The following DOCK3 variants were observed in gnomAD, a reference collection of about 807,000 sequenced individuals.
The protein encoded by DOCK3 is dedicator of cytokinesis protein 3.
Under a neutral mutation model 265.6 loss-of-function variants are expected in DOCK3, and 60 were observed. The ratio of observed to expected loss-of-function variants is 0.23; its 90% confidence interval spans 0.18 to 0.28. DOCK3 has a LOEUF of 0.28. Ranked by LOEUF, DOCK3 falls within the 10% of genes least tolerant of loss-of-function variation. The pLI is 1.00. For missense variants in DOCK3, 1,981 were observed against 2,594.3 expected (o/e 0.76, Z 5.14); for synonymous variants, 881 against 938.0 (o/e 0.94, Z 1.11).
intron 12 of DOCK3, among the ~76,000 whole-genome samples, chr3:51,189,983 G>T (rs2087845381): frequency 6.6e-6 from 1 of 152,152 alleles, no homozygotes; most frequent in Non-Finnish European, 1.5e-5. Context: ...GTGATGAGGG[G>T]GAAAAGATAT....
chr3:51,052,812 T>C (rs2081042823), intron 5 of DOCK3, among the ~76,000 whole-genome samples: 1 of 151,956 alleles, frequency 6.6e-6, no homozygotes, highest in South Asian at 2.1e-4. Context: ...TTCCATAGGG[T>C]ATTCTTTTAC....
intron 9 of DOCK3, among the ~76,000 whole-genome samples, chr3:51,143,912 G>A (rs1032931769): frequency 6.6e-6 from 1 of 152,148 alleles, no homozygotes; most frequent in Non-Finnish European, 1.5e-5. Flanking sequence ...TTTCTACTAT[G>A]TGCTAAATGT....
chr3:51,338,936 A>AT lies in DOCK3; in HGVS notation c.3679dup (p.Tyr1227LeufsTer4). 1 of 1,602,214 alleles carries AT rather than the reference A, an allele frequency of 6.2e-7. No individual in the cohort carries two copies. Among genetic ancestry groups the AT allele is most frequent in the Non-Finnish European group, 8.5e-7 (1 of 1,173,870 alleles). On this transcript the variant is annotated frameshift_variant and splice_region_variant, in exon 37 of 53. Coordinates refer to ENST00000266037, the MANE Select transcript of DOCK3 (RefSeq NM_004947.5). LOFTEE classifies it high-confidence loss of function. Reference sequence around the variant, plus strand: ...GGTGTTTCCTTCTCTTTATTGTAGAATTTTTACAAATCTGAGATTAACAAG... The same window carrying AT: ...GGTGTTTCCTTCTCTTTATTGTAGAATTTTTTACAAATCTGAGATTAACAAG...
intron 7 of DOCK3, among the ~76,000 whole-genome samples, chr3:51,080,381 A>G (rs1325181233): frequency 6.6e-6 from 1 of 152,368 alleles, no homozygotes; most frequent in Non-Finnish European, 1.5e-5. Flanking sequence ...ATAAAGATAA[A>G]TAAGACAGTG....
chr3:51,157,552 T>C (rs969368613), intron 10 of DOCK3, among the ~76,000 whole-genome samples: 7 of 152,186 alleles, frequency 4.6e-5, no homozygotes, highest in Non-Finnish European at 7.3e-5. Flanking sequence ...GGCCCACATA[T>C]TACTTCTTAG....
intron 37 of DOCK3, 148 bp downstream of exon 37, chr3:51,339,176 CCT>C: frequency 1.5e-6 from 1 of 648,756 alleles, no homozygotes; most frequent in Non-Finnish European, 2.5e-6. Context: ...CACTCATTTC[CCT>C]CAACTCCTTT....
At chr3:50,752,619 A>G (rs1471879580) in intron 1 of DOCK3, among the ~76,000 whole-genome samples, 3 of 152,008 alleles carry the variant, frequency 2.0e-5, no homozygotes, top group African/African-American at 7.2e-5. Context: ...TCTAATAAAA[A>G]TACAAAATTA....
intron 4 of DOCK3, among the ~76,000 whole-genome samples, chr3:50,904,388 G>T (rs982722450): frequency 2.0e-5 from 3 of 152,096 alleles, no homozygotes; most frequent in African/African-American, 7.2e-5. Flanking sequence ...AACAGTGTAA[G>T]AGTGTTCCTA....
At chr3:51,332,505 G>A (rs1244262346) in intron 33 of DOCK3, among the ~76,000 whole-genome samples, 2 of 152,132 alleles carry the variant, frequency 1.3e-5, no homozygotes, top group Non-Finnish European at 2.9e-5. Flanking sequence ...TCATGTTGGG[G>A]CCCCAAGACT....
chr3:50,741,505 A>G (rs1310787807), intron 1 of DOCK3, among the ~76,000 whole-genome samples: 1 of 144,312 alleles, frequency 6.9e-6, no homozygotes, highest in African/African-American at 2.6e-5. Context: ...GTTCCCACCT[A>G]TGAGTGAGAA....
At chr3:51,085,165 C>A (rs1303337159) in intron 7 of DOCK3, among the ~76,000 whole-genome samples, 1 of 152,038 alleles carries the variant, frequency 6.6e-6, no homozygotes, top group African/African-American at 2.4e-5. Context: ...ACCACAGCAC[C>A]CAGATATATA....
chr3:51,148,114 T>A (rs1207494292), intron 10 of DOCK3, among the ~76,000 whole-genome samples: 1 of 152,260 alleles, frequency 6.6e-6, no homozygotes, highest in East Asian at 1.9e-4. Context: ...TTTTTTCATG[T>A]GTCTCTTAGC....
At position 51,139,253 on chromosome 3, in the gene DOCK3, G is replaced by T. The variant is rs12630889; in HGVS notation, c.747-7296G>T. On this transcript the variant is annotated intron_variant, in intron 9 of 52. Coordinates refer to ENST00000266037, the MANE Select transcript of DOCK3 (RefSeq NM_004947.5). ...AGTCACATGGCTCCACTCAACTGCA[G>T]TGGGGGGAGGGCTAAGATGTATACT... Among the ~76,000 whole-genome samples the T allele has an allele frequency of 3.8e-3, 568 of 149,508 alleles. 4 individuals are homozygous for T. Among genetic ancestry groups the T allele is most frequent in the African/African-American group, 0.014 (540 of 39,656 alleles).
At chr3:51,002,206 C>T (rs1489460088) in intron 5 of DOCK3, among the ~76,000 whole-genome samples, 2 of 152,120 alleles carry the variant, frequency 1.3e-5, no homozygotes, top group South Asian at 2.1e-4. Context: ...GCCTTGGCTT[C>T]CCAAAGTGCT....
chr3:51,322,916 T>C (rs1165542168), intron 32 of DOCK3, among the ~76,000 whole-genome samples: 1 of 141,014 alleles, frequency 7.1e-6, no homozygotes, highest in East Asian at 2.1e-4. Flanking sequence ...CCATCTCACA[T>C]GCAAAGACAC....
At chr3:50,759,262 G>T (rs926437735) in intron 1 of DOCK3, among the ~76,000 whole-genome samples, 4 of 151,902 alleles carry the variant, frequency 2.6e-5, no homozygotes, top group African/African-American at 9.7e-5. Context: ...TGATTATTCT[G>T]TTTAATTTTT....
In DOCK3 at chr3:50,889,069, GTGT is replaced by G. The variant is rs1559773760; in HGVS notation, c.163-956_163-954del. On this transcript the variant is annotated intron_variant, in intron 3 of 52. Transcript: ENST00000266037. Reference sequence around the variant, plus strand: ...TATAAAATATATTTAAGCCATGGGTGTGTGTGTGTGTGTGTGTGTGTGTGTGTG... The same window carrying G: ...TATAAAATATATTTAAGCCATGGGTGGTGTGTGTGTGTGTGTGTGTGTGTG... Among the ~76,000 whole-genome samples, 293 of 37,934 alleles carry G rather than the reference GTGT, an allele frequency of 7.7e-3. 2 individuals carry two copies. Among genetic ancestry groups the G allele is most frequent in the African/African-American group, 0.02 (233 of 11,398 alleles). The allele number at this position is 37,934 out of a possible 152,430, so 24.9% of individuals were successfully genotyped here.
chr3:51,256,286 A>C (rs911059269), intron 22 of DOCK3, among the ~76,000 whole-genome samples: 1 of 152,010 alleles, frequency 6.6e-6, no homozygotes, highest in African/African-American at 2.4e-5. Context: ...TTGTTTTTTG[A>C]GACACAGTCT....
chr3:51,356,687 G>A (rs543258086), intron 43 of DOCK3, among the ~76,000 whole-genome samples, 194 bp downstream of exon 43: 164 of 152,164 alleles, frequency 1.1e-3, no homozygotes, highest in African/African-American at 3.9e-3. Context: ...TGAGCAGCAG[G>A]TATTTTCAAC....
Sources: gnomAD v4.1 joint callset for allele counts (sites outside exome capture counted in the v4.1 genomes callset) on GRCh38, gnomAD v4.1.1 for gene constraint, MANE v1.5 for transcripts, NCBI Gene and HGNC (gene_info 2026-07-23, HGNC 2026-07-21) for gene names.